The following CRYBG1 variants were observed in gnomAD, a reference collection of about 807,000 sequenced individuals.
CRYBG1 encodes crystallin beta-gamma domain containing 1, also known as beta/gamma crystallin domain-containing protein 1.
A neutral mutation model predicts 189.2 loss-of-function variants in CRYBG1; 139 were observed. That is an observed-to-expected ratio of 0.73 (90% CI 0.64 to 0.85). The LOEUF is 0.85. CRYBG1 is among the 40% of genes least tolerant of loss of function. The pLI is 0.00. For missense variants in CRYBG1, 2,611 were observed against 2,675.8 expected, an observed-to-expected ratio of 0.98 and a Z score of 0.53; for synonymous variants, 1,023 against 1,017.1, an observed-to-expected ratio of 1.01 and a Z score of -0.11.
rs1318525332 is a variant in CRYBG1, at chr6:106,569,195, A to AT, written c.*632dup. 2 of 152,170 alleles carry AT rather than the reference A, an allele frequency of 1.3e-5. No homozygotes were observed. The highest frequency in any genetic ancestry group is 2.9e-5 in the Non-Finnish European group (2 of 68,024). 9.4% of individuals were successfully genotyped at this position (152,170 alleles called of 1,614,324 possible). ...TATTAAAAATTAATACATTTTAAAA[A>AT]TTTAATGTCAAAGTCTGGTAACATT... On this transcript the variant is annotated 3_prime_UTR_variant, in exon 22 of 22. Transcript: ENST00000633556.
At chr6:106,378,428 G>A (rs944929601) in intron 1 of CRYBG1, among the ~76,000 whole-genome samples, 3 of 152,166 alleles carry the variant, frequency 2.0e-5, no homozygotes, top group African/African-American at 7.2e-5. Context: ...CTCGGTCCTC[G>A]GCACTGTTGC....
At position 106,519,864 on chromosome 6, in the gene CRYBG1, A is replaced by T; in HGVS notation, c.2656A>T (p.Lys886Ter). The change falls in exon 4 of 22, where the codon AAA (lysine) becomes TAA (stop). Residue 886 changes from lysine (K) to a stop codon, truncating the protein, a stop_gained. Coordinates refer to ENST00000633556, the MANE Select transcript of CRYBG1 (RefSeq NM_001371242.2). LOFTEE classifies it high-confidence loss of function. ...LSAPAPGDVP[K>*]DTCVQSPISS... ...TGCACCCGCTCCTGGGGATGTTCCCAAAGACACATGTGTTCAATCACCCAT... is the reference window on the plus strand; with the variant it reads ...TGCACCCGCTCCTGGGGATGTTCCCTAAGACACATGTGTTCAATCACCCAT... The T allele has an allele frequency of 1.2e-6, 2 of 1,614,180 alleles. No individual in the cohort carries two copies. Among genetic ancestry groups the T allele is most frequent in the South Asian group, 2.2e-5 (2 of 91,080 alleles).
Position 106,510,741 on chromosome 6 carries a change from A to G in CRYBG1, c.313-689A>G, listed in dbSNP as rs1773238764. Among the ~76,000 whole-genome samples, 7 of 152,178 alleles carry G rather than the reference A, an allele frequency of 4.6e-5. No individual in the cohort carries two copies. The South Asian group carries it at 1.4e-3, about 31-fold the overall frequency. ...CACTCCTCCGTGTTCACATGGTAGG[A>G]ACTCCCACAGGCAAAAGCCTTTCCG... is the stretch of plus-strand genomic sequence containing the variant. On this transcript the variant is annotated intron_variant, in intron 2 of 21. Transcript: ENST00000633556.
At chr6:106,480,596 G>A (rs1041743128) in intron 2 of CRYBG1, among the ~76,000 whole-genome samples, 4 of 152,002 alleles carry the variant, frequency 2.6e-5, no homozygotes, top group Non-Finnish European at 5.9e-5. Context: ...GAACCCGGGA[G>A]GCGGAGGTTG....
At chr6:106,505,744 A>G (rs1208818983) in intron 2 of CRYBG1, among the ~76,000 whole-genome samples, 1 of 151,712 alleles carries the variant, frequency 6.6e-6, no homozygotes, top group African/African-American at 2.4e-5. Context: ...TTACAAAAAA[A>G]CTGCTCAGGA....
chr6:106,551,806 A>T (rs1217579907), intron 13 of CRYBG1, 46 bp from the exon 14 acceptor site: 1 of 1,579,994 alleles, frequency 6.3e-7, no homozygotes, highest in Non-Finnish European at 8.7e-7. Flanking sequence ...TGATCGTTTT[A>T]TATGTAAAAT....
At position 106,479,385 on chromosome 6, in the gene CRYBG1, C is replaced by T. The variant is rs1049331340; in HGVS notation, c.312+27553C>T. Among the ~76,000 whole-genome samples, 28 of 152,314 alleles carry T rather than the reference C, an allele frequency of 1.8e-4. No homozygotes were observed. In the East Asian group the frequency reaches 4.4e-3, roughly 24 times the overall value. On this transcript the variant is annotated intron_variant, in intron 2 of 21. Transcript: ENST00000633556. ...TAATTACCTCCCAAAGGCCCCACCT[C>T]CAAACAGCATCCCACTGGGAGTTAA...
intron 2 of CRYBG1, among the ~76,000 whole-genome samples, chr6:106,505,782 A>T (rs1260463708): frequency 2.6e-5 from 4 of 151,850 alleles, no homozygotes; most frequent in Non-Finnish European, 5.9e-5. Context: ...GCACAAACAC[A>T]CATATGCATA....
At chr6:106,564,505 A>G (rs1774820374) in intron 21 of CRYBG1, among the ~76,000 whole-genome samples, 1 of 152,214 alleles carries the variant, frequency 6.6e-6, no homozygotes, top group Admixed American at 6.5e-5. Context: ...GAATAAATTT[A>G]GCGTGGTTGT....
chr6:106,396,423 A>G (rs1770612344), intron 1 of CRYBG1, among the ~76,000 whole-genome samples: 1 of 152,136 alleles, frequency 6.6e-6, no homozygotes, highest in South Asian at 2.1e-4. Flanking sequence ...GACTTCACCA[A>G]CCTCTAGCAA....
intron 1 of CRYBG1, among the ~76,000 whole-genome samples, chr6:106,432,627 G>A (rs1258604373): frequency 6.6e-6 from 1 of 152,180 alleles, no homozygotes; most frequent in Non-Finnish European, 1.5e-5. Context: ...GCTGGTAAGT[G>A]TACCTGGGCT....
At chr6:106,447,962 T>G (rs9373866) in intron 1 of CRYBG1, among the ~76,000 whole-genome samples, 111,258 of 152,082 alleles carry the variant, frequency 0.73, 41,054 homozygotes, top group East Asian at 0.84. Flanking sequence ...ATTATTTCTG[T>G]GTAATACATT....
chr6:106,391,234 C>T (rs1770495543), intron 1 of CRYBG1, among the ~76,000 whole-genome samples: 1 of 152,106 alleles, frequency 6.6e-6, no homozygotes, highest in African/African-American at 2.4e-5. Flanking sequence ...AGGCATGCAC[C>T]ACCACACCCA....
At chr6:106,493,516 AT>A (rs1772771555) in intron 2 of CRYBG1, among the ~76,000 whole-genome samples, 1 of 152,236 alleles carries the variant, frequency 6.6e-6, no homozygotes, top group Admixed American at 6.5e-5. Context: ...TGAGAGCAGG[AT>A]CTCAAAGAGA....
intron 10 of CRYBG1, among the ~76,000 whole-genome samples, 158 bp from the exon 11 acceptor site, chr6:106,543,282 A>G (rs1218550409): frequency 3.9e-5 from 6 of 152,138 alleles, no homozygotes; most frequent in Non-Finnish European, 5.9e-5. Flanking sequence ...CACCTACCTC[A>G]GCCTCGCAAA....
chr6:106,483,391 G>GTATATATATATATATATATATAT (rs1772513172), intron 2 of CRYBG1, among the ~76,000 whole-genome samples: 1 of 100,968 alleles, frequency 9.9e-6, no homozygotes. Flanking sequence ...TATATATATA[G>GTATATATATATATATATATATAT]ATATATATAT....
At position 106,510,569 on chromosome 6, in the gene CRYBG1, CGACCCCG is replaced by C. The variant is rs538797922; in HGVS notation, c.313-858_313-852del. 1.5e-3 allele frequency among the ~76,000 whole-genome samples: 230 copies of C among 151,924 alleles called. 1 individual carries two copies. The highest frequency in any genetic ancestry group is 5.4e-3 in the African/African-American group (223 of 41,434). ...GCCGGCCCCTGGGGCTCCAGCCGTG[CGACCCCG>C]GAACCACACGTGTGGCGAGGAACGG... On this transcript the variant is annotated intron_variant, in intron 2 of 21. Coordinates refer to ENST00000633556, the MANE Select transcript of CRYBG1 (RefSeq NM_001371242.2).
chr6:106,512,386 G>T lies in CRYBG1; in HGVS notation c.1269G>T (p.Gly423=). ...GCCGTAGGTCGGGGAGGCGGAGGGG[G>T]TCGCAGAAATCCACCGACTCCCCCG... ...SSGRRSGRRR[G]SQKSTDSPGA... The change falls in exon 3 of 22, where the codon GGG becomes GGT. Residue 423 remains glycine, a synonymous_variant. Transcript: ENST00000633556. The T allele has an allele frequency of 6.2e-7, 1 of 1,610,796 alleles. No individual in the cohort carries two copies. Among genetic ancestry groups the T allele is most frequent in the Non-Finnish European group, 8.5e-7 (1 of 1,179,124 alleles).
intron 2 of CRYBG1, among the ~76,000 whole-genome samples, chr6:106,471,570 C>T (rs1417202485): frequency 6.6e-6 from 1 of 151,900 alleles, no homozygotes; most frequent in African/African-American, 2.4e-5. Flanking sequence ...GAAACATTAC[C>T]CTCCAAGAAG....
Sources: gnomAD v4.1 joint callset for allele counts (sites outside exome capture counted in the v4.1 genomes callset) on GRCh38, gnomAD v4.1.1 for gene constraint, MANE v1.5 for transcripts, NCBI Gene and HGNC (gene_info 2026-07-23, HGNC 2026-07-21) for gene names.